The following LIMD1 variants were observed in gnomAD, a reference collection of about 807,000 sequenced individuals.
LIMD1 encodes the protein LIM domain-containing protein 1.
Under a neutral mutation model 58.4 loss-of-function variants are expected in LIMD1, and 23 were observed. The observed-to-expected ratio is 0.39, with a 90% CI of 0.28 to 0.56. LIMD1 has a LOEUF of 0.56. LIMD1 is among the 20% of genes least tolerant of loss of function. The pLI is 0.57. For missense variants in LIMD1, 838 were observed against 855.5 expected (o/e 0.98, Z 0.25); for synonymous variants, 334 against 345.5 (o/e 0.97, Z 0.37).
In LIMD1 at chr3:45,623,022, G is replaced by A. The variant is rs767869522; in HGVS notation, c.1409-13128G>A. 7.2e-5 allele frequency among the ~76,000 whole-genome samples: 11 copies of A among 152,254 alleles called. No individual in the cohort carries two copies. The South Asian group carries it at 1.0e-3, about 14-fold the overall frequency. ...ACTGCCCTCCAGAAAGGTTGTCCACGTTTATGCTTCCATTAAGAGTGTATG... is the reference window on the plus strand; with the variant it reads ...ACTGCCCTCCAGAAAGGTTGTCCACATTTATGCTTCCATTAAGAGTGTATG... On this transcript the variant is annotated intron_variant, in intron 1 of 7. Transcript: ENST00000273317.
chr3:45,654,920 A>ATTTT (rs199987395), intron 2 of LIMD1, among the ~76,000 whole-genome samples: 1 of 140,602 alleles, frequency 7.1e-6, no homozygotes, highest in Non-Finnish European at 1.5e-5. Context: ...TTATCAGTCA[A>ATTTT]TTTTTTTTTT....
intron 6 of LIMD1, 80 bp downstream of exon 6, chr3:45,673,585 C>A: frequency 8.7e-7 from 1 of 1,144,076 alleles, no homozygotes; most frequent in South Asian, 1.2e-5. Context: ...AGATCCATGT[C>A]CTGTCCTTAC....
intron 2 of LIMD1, among the ~76,000 whole-genome samples, chr3:45,657,516 C>T (rs568370065): frequency 1.0e-3 from 131 of 126,590 alleles, no homozygotes; most frequent in Middle Eastern, 4.2e-3. Context: ...CAGAGCAAGA[C>T]GCTGTCTCAA....
Position 45,684,851 on chromosome 3 carries a change from T to G in LIMD1, c.*7792T>G, listed in dbSNP as rs1697791833. The G allele has an allele frequency of 6.6e-6, 1 of 152,240 alleles. No individual in the cohort carries two copies. The allele number at this position is 152,240 out of a possible 1,614,324, so 9.4% of individuals were successfully genotyped here. Reference sequence around the variant, plus strand: ...CCAGGTGCAGCTGCCGGCATTTATCTGTGCAAGCTTCTAGCTTGCTTATTT... The same window carrying G: ...CCAGGTGCAGCTGCCGGCATTTATCGGTGCAAGCTTCTAGCTTGCTTATTT... On this transcript the variant is annotated 3_prime_UTR_variant, in exon 8 of 8. Transcript: ENST00000273317.
At chr3:45,630,784 A>T (rs1322220423) in intron 1 of LIMD1, among the ~76,000 whole-genome samples, 1 of 152,124 alleles carries the variant, frequency 6.6e-6, no homozygotes, top group Non-Finnish European at 1.5e-5. Context: ...GAGACCTTTG[A>T]GTTGGAACTG....
At chr3:45,617,409 G>A (rs1433604043) in intron 1 of LIMD1, among the ~76,000 whole-genome samples, 1 of 152,106 alleles carries the variant, frequency 6.6e-6, no homozygotes, top group Non-Finnish European at 1.5e-5. Context: ...GGTTTGCCCT[G>A]CGTTACACTC....
chr3:45,647,520 T>G (rs1575358370), intron 2 of LIMD1, among the ~76,000 whole-genome samples: 1 of 152,066 alleles, frequency 6.6e-6, no homozygotes, highest in Non-Finnish European at 1.5e-5. Flanking sequence ...AGGGGCAGGG[T>G]GACAGCTGCC....
chr3:45,620,511 G>GGC (rs1701619341), intron 1 of LIMD1, among the ~76,000 whole-genome samples: 1 of 152,172 alleles, frequency 6.6e-6, no homozygotes, highest in Non-Finnish European at 1.5e-5. Context: ...AATGGGGCTG[G>GGC]GCATGGTGGC....
At chr3:45,610,326 G>A (rs1308234850) in intron 1 of LIMD1, among the ~76,000 whole-genome samples, 1 of 152,198 alleles carries the variant, frequency 6.6e-6, no homozygotes, top group Admixed American at 6.5e-5. Flanking sequence ...CACTGACGTG[G>A]TAGGGAGGCA....
intron 1 of LIMD1, among the ~76,000 whole-genome samples, chr3:45,607,179 G>A (rs571302451): frequency 3.4e-4 from 52 of 152,272 alleles, no homozygotes; most frequent in African/African-American, 1.2e-3. Context: ...ACAGGTCACC[G>A]AAATTTCCAA....
chr3:45,595,762 C>A lies in LIMD1; in HGVS notation c.883C>A (p.Pro295Thr), dbSNP rs1349298572. The A allele has an allele frequency of 6.2e-7, 1 of 1,614,102 alleles. No individual in the cohort carries two copies. The highest frequency in any genetic ancestry group is 1.1e-5 in the South Asian group (1 of 91,090). The change falls in exon 1 of 8, where the codon CCT (proline) becomes ACT (threonine). Residue 295 changes from proline (P) to threonine (T), a missense_variant. By Grantham distance (38) the Pro-to-Thr change is conservative (BLOSUM62 -1). Coordinates refer to ENST00000273317, the MANE Select transcript of LIMD1 (RefSeq NM_014240.3). ...PAVGPVQPRT[P>T]SVSAPLALSC... ...TGTGGGGCCTGTTCAGCCCAGGACC[C>A]CTTCTGTGTCAGCACCCTTGGCCCT...
intron 2 of LIMD1, among the ~76,000 whole-genome samples, chr3:45,642,044 G>A (rs1255624719): frequency 6.6e-6 from 1 of 152,124 alleles, no homozygotes; most frequent in Non-Finnish European, 1.5e-5. Context: ...CAAGATTCAG[G>A]CAAACCTTTG....
intron 1 of LIMD1, among the ~76,000 whole-genome samples, chr3:45,627,320 G>A (rs1294122442): frequency 6.6e-6 from 1 of 152,200 alleles, no homozygotes; most frequent in African/African-American, 2.4e-5. Context: ...TCTTATAAGT[G>A]CAGTAGGATG....
rs1004573635 is a variant in LIMD1, at chr3:45,595,329, C to T, written c.450C>T (p.Ser150=). 4.3e-6 allele frequency: 7 copies of T among 1,613,466 alleles called. No homozygotes were observed. The highest frequency in any genetic ancestry group is 1.7e-5 in the Admixed American group (1 of 60,010). The change falls in exon 1 of 8, where the codon TCC becomes TCT. Residue 150 remains serine, a synonymous_variant. Coordinates refer to ENST00000273317, the MANE Select transcript of LIMD1 (RefSeq NM_014240.3). ...GTRHGSQDCG[S]RESLATSEMS... ...GGCATGGCAGCCAGGACTGTGGTTC[C>T]AGGGAGAGCCTGGCGACTTCTGAGA... is the stretch of plus-strand genomic sequence containing the variant.
chr3:45,622,281 A>G (rs1157387830), intron 1 of LIMD1, among the ~76,000 whole-genome samples: 1 of 152,174 alleles, frequency 6.6e-6, no homozygotes, highest in Non-Finnish European at 1.5e-5. Flanking sequence ...AGAATTTTAA[A>G]TTATTTTCCT....
At chr3:45,674,202 A>G in intron 6 of LIMD1, 141 bp from the exon 7 acceptor site, 2 of 604,806 alleles carry the variant, frequency 3.3e-6, no homozygotes, top group Non-Finnish European at 6.2e-6. Context: ...TCCAGTAAGT[A>G]CTCCTGATTT....
chr3:45,646,178 C>T (rs1184551320), intron 2 of LIMD1, among the ~76,000 whole-genome samples: 1 of 152,184 alleles, frequency 6.6e-6, no homozygotes, highest in African/African-American at 2.4e-5. Context: ...GGTCTCAGAG[C>T]GGTTGCCCAG....
intron 2 of LIMD1, among the ~76,000 whole-genome samples, chr3:45,651,658 G>T (rs1015956024): frequency 2.6e-5 from 4 of 151,694 alleles, no homozygotes; most frequent in Non-Finnish European, 5.9e-5. Flanking sequence ...TTAAGATGGA[G>T]TCTTGCCCCC....
At chr3:45,661,268 A>G (rs1244195506) in intron 2 of LIMD1, among the ~76,000 whole-genome samples, 5 of 152,212 alleles carry the variant, frequency 3.3e-5, no homozygotes, top group African/African-American at 1.2e-4. Context: ...ATGACTTAAA[A>G]TTTGGTGTAC....
Sources: allele counts gnomAD v4.1 joint callset (sites outside exome capture counted in the v4.1 genomes callset), GRCh38; gene constraint gnomAD v4.1.1; transcripts MANE v1.5; gene names NCBI Gene and HGNC (gene_info 2026-07-23, HGNC 2026-07-21).